The following SCN3A variants were observed in gnomAD, a reference collection of about 807,000 sequenced individuals.
SCN3A encodes the protein sodium channel protein type 3 subunit alpha.
Under a neutral mutation model 187.6 loss-of-function variants are expected in SCN3A, and 60 were observed. The observed-to-expected ratio is 0.32, with a 90% confidence interval of 0.26 to 0.40. SCN3A has a LOEUF of 0.40. SCN3A is among the 10% of genes least tolerant of loss of function. The pLI, the probability that SCN3A is intolerant of heterozygous loss-of-function variation, is 1.00. For synonymous variants in SCN3A, 788 were observed against 829.2 expected, an observed-to-expected ratio of 0.95 and a Z score of 0.85; for missense variants, 1,601 against 2,428.2, an observed-to-expected ratio of 0.66 and a Z score of 7.16.
rs149857209 is a variant in SCN3A at position 165,196,274 on chromosome 2, G to A, written c.-248+7549C>T. ...ACACATTCATCATAACCCTGGCCTC[G>A]AACATGATAACTTTGCAATTCCTTG... On this transcript the variant is annotated intron_variant, in intron 1 of 27. Coordinates refer to ENST00000283254, the MANE Select transcript of SCN3A (RefSeq NM_006922.4). Among the ~76,000 whole-genome samples, 14 of 151,876 alleles carry A rather than the reference G, an allele frequency of 9.2e-5. No individual in the cohort carries two copies. In the East Asian group the frequency reaches 1.9e-3, roughly 21 times the overall value.
In SCN3A at chr2:165,089,864, A is replaced by G. The variant is rs567751805; in HGVS notation, c.*286T>C. On this transcript the variant is annotated 3_prime_UTR_variant, in exon 28 of 28. Coordinates refer to ENST00000283254, the MANE Select transcript of SCN3A (RefSeq NM_006922.4). Reference sequence around the variant, plus strand: ...ACTAAAGGTGTTTGGTGTAGTTACAATGTTCACTTTGCACAACTATCCCTA... The same window carrying G: ...ACTAAAGGTGTTTGGTGTAGTTACAGTGTTCACTTTGCACAACTATCCCTA... 11 of 421,940 alleles carry G rather than the reference A, an allele frequency of 2.6e-5. No homozygotes were observed. In the East Asian group the frequency reaches 4.2e-4, roughly 16 times the overall value. The allele number at this position is 421,940 out of a possible 1,614,324, so 26.1% of individuals were successfully genotyped here. A position where few individuals can be genotyped will look rare whatever the true frequency, so the allele number is the denominator to read the frequency against.
Position 165,155,799 on chromosome 2 carries a change from A to C in SCN3A, c.1136T>G (p.Leu379Arg). ...FSWAFLSLFR[L>R]MTQDYWENLY... ...ATTTTCCCAGTAGTCTTGAGTCATGAGTCGAAATAGAGACAGGAAAGCCCA... is the reference window on the plus strand; with the variant it reads ...ATTTTCCCAGTAGTCTTGAGTCATGCGTCGAAATAGAGACAGGAAAGCCCA... The change falls in exon 10 of 28, where the codon CTC becomes CGC. Residue 379 changes from leucine to arginine, a missense_variant. Physicochemically the swap from Leu to Arg is moderately radical, Grantham distance 102. Coordinates refer to ENST00000283254, the MANE Select transcript of SCN3A (RefSeq NM_006922.4). The C allele has an allele frequency of 6.2e-7, 1 of 1,614,158 alleles. No individual in the cohort carries two copies. Among genetic ancestry groups the C allele is most frequent in the South Asian group, 1.1e-5 (1 of 91,084 alleles).
rs1206384329 is a variant in SCN3A, at chr2:165,139,520, T to G, written c.2108A>C (p.Gln703Pro). 6.2e-7 allele frequency: 1 copy of G among 1,614,028 alleles called. No homozygotes were observed. Among genetic ancestry groups the G allele is most frequent in the Admixed American group, 1.7e-5 (1 of 59,994 alleles). The change falls in exon 14 of 28, where the codon CAA becomes CCA. Residue 703 changes from glutamine to proline, a missense_variant. By Grantham distance (76) the Gln-to-Pro change is moderately conservative. Transcript: ENST00000283254. ...MEMLEDSSGR[Q>P]RAVSIASILT... Reference sequence around the variant, plus strand: ...AATGCTGGCTATGCTCACGGCTCTTTGCCTTCCAGAGGAATCCTCCAGCAT... The same window carrying G: ...AATGCTGGCTATGCTCACGGCTCTTGGCCTTCCAGAGGAATCCTCCAGCAT...
In SCN3A at chr2:165,138,389, T is replaced by G. The variant is rs1325973226; in HGVS notation, c.2153-272A>C. Among the ~76,000 whole-genome samples, 3 of 152,188 alleles carry G rather than the reference T, an allele frequency of 2.0e-5. No individual in the cohort carries two copies. The East Asian group carries it at 5.8e-4, about 29-fold the overall frequency. On this transcript the variant is annotated intron_variant, in intron 14 of 27. Coordinates refer to ENST00000283254, the MANE Select transcript of SCN3A (RefSeq NM_006922.4). The stretch of plus-strand genomic sequence containing the variant: ...TTAAAATGACTAGGTTATGATTGAT[T>G]AAAGTGCTGTATTCTCTTTGTCAAA...
chr2:165,156,673 G>A (rs1689066815), intron 9 of SCN3A, among the ~76,000 whole-genome samples: 1 of 151,792 alleles, frequency 6.6e-6, no homozygotes, highest in South Asian at 2.1e-4. Context: ...AAAAGTATGA[G>A]GATAGTACAG....
intron 1 of SCN3A, among the ~76,000 whole-genome samples, chr2:165,201,471 G>A (rs140243952): frequency 1.4e-4 from 22 of 152,128 alleles, no homozygotes; most frequent in African/African-American, 5.1e-4. Context: ...TCCTTTTGAT[G>A]TGAGTTAGGA....
intron 1 of SCN3A, among the ~76,000 whole-genome samples, chr2:165,193,855 C>G (rs1277564453): frequency 1.3e-5 from 2 of 152,120 alleles, no homozygotes; most frequent in East Asian, 3.9e-4. Flanking sequence ...TTAATCACTG[C>G]TTTCAGATGG....
intron 2 of SCN3A, among the ~76,000 whole-genome samples, chr2:165,185,868 G>A (rs1691195801): frequency 6.6e-6 from 1 of 152,128 alleles, no homozygotes; most frequent in Non-Finnish European, 1.5e-5. Context: ...ACAGTCAGGT[G>A]AGCCATAGAT....
intron 18 of SCN3A, among the ~76,000 whole-genome samples, chr2:165,118,239 G>T (rs929493567): frequency 6.6e-6 from 1 of 152,142 alleles, no homozygotes; most frequent in Admixed American, 6.5e-5. Flanking sequence ...GGCATTATGA[G>T]GCACAACATA....
intron 1 of SCN3A, 34 bp downstream of exon 1, chr2:165,203,789 A>G (rs1184918138): frequency 6.6e-6 from 1 of 151,936 alleles, no homozygotes; most frequent in Non-Finnish European, 1.5e-5. Flanking sequence ...GCTAGGTTCT[A>G]TGGTGCAGAT....
At chr2:165,184,103 T>C (rs150782575) in intron 2 of SCN3A, among the ~76,000 whole-genome samples, 1 of 152,278 alleles carries the variant, frequency 6.6e-6, no homozygotes, top group East Asian at 1.9e-4. Flanking sequence ...GTCTGTTATT[T>C]ACCATATATT....
chr2:165,090,622 C>T lies in SCN3A; in HGVS notation c.5531G>A (p.Gly1844Asp). The T allele has an allele frequency of 2.5e-6, 4 of 1,614,012 alleles. No individual in the cohort carries two copies. Among genetic ancestry groups the T allele is most frequent in the Non-Finnish European group, 3.4e-6 (4 of 1,179,996 alleles). The change falls in exon 28 of 28, where the codon GGT becomes GAT. Residue 1844 changes from glycine to aspartate, a missense_variant. Gly to Asp is a moderately conservative substitution (Grantham distance 94). Around this residue, in one of 11 missense-constraint regions of SCN3A, gnomAD observed 110 missense variants for 175.9 expected, o/e 0.63. Coordinates refer to ENST00000283254, the MANE Select transcript of SCN3A (RefSeq NM_006922.4). The surrounding 1 kb of genome is among the most constrained non-coding windows in gnomAD (Gnocchi z 4.0). ...AATATCAAGACAGTGGATCCGGTCA[C>T]CACTGACCATGGGCAGATCCATGGC... is the stretch of plus-strand genomic sequence containing the variant. ...LIAMDLPMVS[G>D]DRIHCLDILF...
chr2:165,178,838 G>T (rs1257222885), intron 2 of SCN3A, among the ~76,000 whole-genome samples: 1 of 152,000 alleles, frequency 6.6e-6, no homozygotes, highest in Admixed American at 6.6e-5. Context: ...ATTTACGGGA[G>T]GCAGCACAAA....
At chr2:165,145,770 A>G (rs1194310272) in intron 12 of SCN3A, among the ~76,000 whole-genome samples, 2 of 151,990 alleles carry the variant, frequency 1.3e-5, no homozygotes, top group African/African-American at 4.8e-5. Flanking sequence ...CTTATATATT[A>G]TCTCTCAAAG....
chr2:165,100,728 A>G (rs1226797666), intron 21 of SCN3A, among the ~76,000 whole-genome samples: 2 of 152,176 alleles, frequency 1.3e-5, no homozygotes, highest in Admixed American at 1.3e-4. Context: ...TTCAGGATTG[A>G]GTTCAATGCC....
intron 12 of SCN3A, among the ~76,000 whole-genome samples, chr2:165,145,390 T>A (rs1242641828): frequency 6.6e-6 from 1 of 152,140 alleles, no homozygotes; most frequent in East Asian, 1.9e-4. Context: ...TATACTGATT[T>A]GATAATATAT....
intron 21 of SCN3A, 101 bp downstream of exon 21, chr2:165,112,784 A>G (rs1686183660): frequency 9.6e-7 from 1 of 1,038,382 alleles, no homozygotes; most frequent in South Asian, 1.3e-5. Flanking sequence ...TAACTGCATA[A>G]TTATGTCATT....
chr2:165,092,344 A>T lies in SCN3A; in HGVS notation c.4717T>A (p.Phe1573Ile). The T allele has an allele frequency of 6.2e-7, 1 of 1,613,958 alleles. No homozygotes were observed. Among genetic ancestry groups the T allele is most frequent in the Non-Finnish European group, 8.5e-7 (1 of 1,179,938 alleles). Residue 1573 changes from phenylalanine (F) to isoleucine (I), a missense_variant, in exon 27 of 28, where the codon TTT becomes ATT. By Grantham distance (21) the Phe-to-Ile change is conservative. Transcript: ENST00000283254. This position sits in a 1 kb window ranked among gnomAD's most constrained non-coding sequence, Gnocchi z 4.2. ...CTGAGGGAGACGAGCTTCAGCACAA[A>T]TTCTCCAGTGAACAGAACAATGAAC... ...LVFIVLFTGE[F>I]VLKLVSLRHY... is the part of the protein sequence containing the mutation.
At chr2:165,102,541 A>G (rs1470539566) in intron 21 of SCN3A, among the ~76,000 whole-genome samples, 1 of 152,096 alleles carries the variant, frequency 6.6e-6, no homozygotes, top group Non-Finnish European at 1.5e-5. Flanking sequence ...AGAAAATAGT[A>G]AGGTAATATC....
Sources: allele counts gnomAD v4.1 joint callset (sites outside exome capture counted in the v4.1 genomes callset), GRCh38; gene constraint gnomAD v4.1.1; regional missense constraint gnomAD v4.1.1; non-coding constraint Gnocchi (gnomAD v3.1); transcripts MANE v1.5; gene names NCBI Gene and HGNC (gene_info 2026-07-23, HGNC 2026-07-21).